The following NLRP8 variants were observed in gnomAD, a reference collection of about 807,000 sequenced individuals.
The protein encoded by NLRP8 is NLR family pyrin domain containing 8, also known as NACHT, LRR and PYD domains-containing protein 8.
A neutral mutation model predicts 88.7 loss-of-function variants in NLRP8; 86 were observed. The ratio of observed to expected loss-of-function variants is 0.97; its 90% CI spans 0.81 to 1.16. The LOEUF (loss-of-function observed/expected upper bound fraction) is 1.16. Ranked by LOEUF, NLRP8 falls within the 50% of genes most tolerant of loss-of-function variation. The pLI, the probability that NLRP8 is intolerant of heterozygous loss-of-function variation, is 0.00. For synonymous variants in NLRP8, 504 were observed against 494.6 expected (o/e 1.02, Z -0.25); for missense variants, 1,342 against 1,286.5 (o/e 1.04, Z -0.66).
intron 2 of NLRP8, 62 bp from the exon 3 acceptor site, chr19:55,954,439 T>C: frequency 6.6e-7 from 1 of 1,515,642 alleles, no homozygotes; most frequent in Non-Finnish European, 9.0e-7. Flanking sequence ...CTTATTGCTC[T>C]ATTAGTTCTT....
intron 9 of NLRP8, among the ~76,000 whole-genome samples, chr19:55,986,487 C>CACATACACACACACACACACACAT (rs1980842845): frequency 6.6e-6 from 1 of 151,128 alleles, no homozygotes; most frequent in African/African-American, 2.4e-5. Flanking sequence ...CACACACACA[C>CACATACACACACACACACACACAT]ACACACACAC....
intron 5 of NLRP8, among the ~76,000 whole-genome samples, chr19:55,969,861 G>C (rs571942250): frequency 6.6e-6 from 1 of 152,206 alleles, no homozygotes; most frequent in East Asian, 1.9e-4. Flanking sequence ...GAGGTGGTAA[G>C]CACAATGCTT....
At chr19:55,954,405 C>T in intron 2 of NLRP8, 96 bp from the exon 3 acceptor site, 1 of 1,234,964 alleles carries the variant, frequency 8.1e-7, no homozygotes, top group South Asian at 1.4e-5. Flanking sequence ...CACGGGGCTT[C>T]ACGTAGACAT....
intron 3 of NLRP8, among the ~76,000 whole-genome samples, chr19:55,961,302 T>A (rs903365835): frequency 6.6e-6 from 1 of 152,160 alleles, no homozygotes; most frequent in Non-Finnish European, 1.5e-5. Flanking sequence ...AAAGAGAAAG[T>A]CAGCAGGTCC....
At chr19:55,961,011 C>T (rs1046102662) in intron 3 of NLRP8, among the ~76,000 whole-genome samples, 2 of 147,804 alleles carry the variant, frequency 1.4e-5, no homozygotes, top group African/African-American at 5.0e-5. Flanking sequence ...AAGCGATTCT[C>T]TTTGCCTCAG....
rs1979313071 is a variant in NLRP8, at chr19:55,955,613, T to C, written c.1555T>C (p.Tyr519His). The C allele has an allele frequency of 1.2e-6, 2 of 1,614,214 alleles. No homozygotes were observed. Among genetic ancestry groups the C allele is most frequent in the Admixed American group, 3.3e-5 (2 of 60,014 alleles). The change falls in exon 3 of 10, where the codon TAT (tyrosine) becomes CAT (histidine). Residue 519 changes from tyrosine to histidine, a missense_variant. By Grantham distance (83) the Tyr-to-His change is moderately conservative. Transcript: ENST00000291971. ...TCAGGAATTTTTTGCGGCCTTGTTT[T>C]ATGTTCTCTGTTTCCCACAAAGACT...
chr19:55,978,774 G>A (rs1980453987), intron 8 of NLRP8, among the ~76,000 whole-genome samples: 1 of 152,068 alleles, frequency 6.6e-6, no homozygotes, highest in African/African-American at 2.4e-5. Flanking sequence ...AGAAGGATTT[G>A]AGCTGGGTGT....
intron 9 of NLRP8, among the ~76,000 whole-genome samples, chr19:55,986,001 A>C (rs1568471495): frequency 6.6e-6 from 1 of 152,176 alleles, no homozygotes; most frequent in African/African-American, 2.4e-5. Flanking sequence ...TCCACATCAA[A>C]AAAAACTAAA....
chr19:55,986,732 T>A (rs1719393447), intron 9 of NLRP8, among the ~76,000 whole-genome samples: 2 of 152,170 alleles, frequency 1.3e-5, no homozygotes, highest in Admixed American at 6.5e-5. Context: ...TATCGCCACG[T>A]GGGCGTGGAG....
chr19:55,971,390 G>A (rs1050434533), intron 6 of NLRP8, among the ~76,000 whole-genome samples: 7 of 138,736 alleles, frequency 5.0e-5, no homozygotes, highest in African/African-American at 8.1e-5. Flanking sequence ...GCAGTGAGCC[G>A]AGATCGCACC....
chr19:55,953,478 A>ATTTC lies in NLRP8; in HGVS notation c.442+890_442+893dup, dbSNP rs576779130. ...GACCACTTCAATAGAGTGTGTCTCT[A>ATTTC]TTTCTTTCTTTCTTTCTTTCTTTCT... On this transcript the variant is annotated intron_variant, in intron 2 of 9. Coordinates refer to ENST00000291971, the MANE Select transcript of NLRP8 (RefSeq NM_176811.2). Among the ~76,000 whole-genome samples, 202 of 147,308 alleles carry ATTTC rather than the reference A, an allele frequency of 1.4e-3. 2 individuals are homozygous for ATTTC. Among genetic ancestry groups the ATTTC allele is most frequent in the South Asian group, 5.1e-3 (23 of 4,526 alleles).
intron 9 of NLRP8, among the ~76,000 whole-genome samples, chr19:55,983,325 G>A (rs1014993875): frequency 4.0e-5 from 6 of 151,678 alleles, no homozygotes; most frequent in Non-Finnish European, 8.8e-5. Flanking sequence ...TTAGCCGGGC[G>A]TGGTGGTGCA....
At chr19:55,953,052 G>C (rs1047435848) in intron 2 of NLRP8, among the ~76,000 whole-genome samples, 1 of 152,172 alleles carries the variant, frequency 6.6e-6, no homozygotes, top group Non-Finnish European at 1.5e-5. Flanking sequence ...TGAGTGGCAG[G>C]GAGCAACCAA....
intron 4 of NLRP8, among the ~76,000 whole-genome samples, chr19:55,963,059 G>T (rs1399695231): frequency 1.3e-5 from 2 of 152,054 alleles, no homozygotes; most frequent in African/African-American, 2.4e-5. Flanking sequence ...TGTTGTCCAG[G>T]CTGGAGTGCA....
chr19:55,974,431 A>C (rs553445408), intron 7 of NLRP8, among the ~76,000 whole-genome samples: 1 of 152,066 alleles, frequency 6.6e-6, no homozygotes, highest in South Asian at 2.1e-4. Flanking sequence ...TAGCTTCCCT[A>C]TCTTAGTGCA....
intron 3 of NLRP8, among the ~76,000 whole-genome samples, chr19:55,960,703 A>G (rs1979568672): frequency 6.6e-6 from 1 of 152,100 alleles, no homozygotes; most frequent in Non-Finnish European, 1.5e-5. Context: ...GGATGAATCT[A>G]TTTCATGGGA....
At position 55,977,933 on chromosome 19, in the gene NLRP8, C is replaced by T. The variant is rs868019543; in HGVS notation, c.2877-1461C>T. On this transcript the variant is annotated intron_variant, in intron 8 of 9. Coordinates refer to ENST00000291971, the MANE Select transcript of NLRP8 (RefSeq NM_176811.2). ...CACTGCCAGTCATGATTCTTTGATG[C>T]CTCAAATCTAGTTTGGGTTTTAAAT... Among the ~76,000 whole-genome samples, 75 of 152,160 alleles carry T rather than the reference C, an allele frequency of 4.9e-4. 1 individual carries two copies. Among genetic ancestry groups the T allele is most frequent in the African/African-American group, 1.7e-3 (72 of 41,518 alleles).
Position 55,955,327 on chromosome 19 carries a change from C to G in NLRP8, c.1269C>G (p.Ala423=). The change falls in exon 3 of 10, where the codon GCC becomes GCG. Residue 423 remains alanine, a synonymous_variant. Coordinates refer to ENST00000291971, the MANE Select transcript of NLRP8 (RefSeq NM_176811.2). Reference sequence around the variant, plus strand: ...ATCTCACACAGTCATGTCCAAATGCCACCTCTGTGTTCGTCCGGTATATTT... The same window carrying G: ...ATCTCACACAGTCATGTCCAAATGCGACCTCTGTGTTCGTCCGGTATATTT... 1 of 1,614,148 alleles carries G rather than the reference C, an allele frequency of 6.2e-7. No homozygotes were observed. The highest frequency in any genetic ancestry group is 8.5e-7 in the Non-Finnish European group (1 of 1,180,028).
chr19:55,956,133 T>C (rs766238769), intron 3 of NLRP8, 33 bp downstream of exon 3: 23 of 1,579,894 alleles, frequency 1.5e-5, no homozygotes, highest in Non-Finnish European at 1.9e-5. Context: ...GGGTAGCCCG[T>C]CCTACCCGGA....
Sources: allele counts gnomAD v4.1 joint callset (sites outside exome capture counted in the v4.1 genomes callset), GRCh38; gene constraint gnomAD v4.1.1; transcripts MANE v1.5; gene names NCBI Gene and HGNC (gene_info 2026-07-23, HGNC 2026-07-21).